Variants in ZFHX3 observed in about 807,000 individuals in gnomAD.
The protein encoded by ZFHX3 is zinc finger homeobox protein 3.
ZFHX3 carries 42 observed loss-of-function variants against 279.1 expected under a neutral mutation model. The ratio of observed to expected loss-of-function variants is 0.15; its 90% CI spans 0.12 to 0.19. ZFHX3 has a LOEUF of 0.19. Among genes scored for constraint, ZFHX3 ranks in the 10% least tolerant of loss-of-function variants. The pLI is 1.00. For missense variants in ZFHX3, 4,981 were observed against 4,754.0 expected, an observed-to-expected ratio of 1.05 and a Z score of -1.40; for synonymous variants, 2,293 against 1,957.8, an observed-to-expected ratio of 1.17 and a Z score of -4.52.
chr16:72,908,645 C>T, intron 3 of ZFHX3, among the ~76,000 whole-genome samples: 1 of 152,142 alleles, frequency 6.6e-6, no homozygotes. Flanking sequence ...CAGCTGCATC[C>T]CCAATGCCAA....
At chr16:73,654,805 A>AC (rs1222053212) in intron 2 of ZFHX3, among the ~76,000 whole-genome samples, 9 of 148,838 alleles carry the variant, frequency 6.0e-5, no homozygotes, top group South Asian at 2.1e-4. Flanking sequence ...AATTAAAATA[A>AC]TTTTTTAAAA....
Position 73,858,938 on chromosome 16 carries a change from TA to T in ZFHX3, c.-1608+32712del, listed in dbSNP as rs563422539. ...CGCACCATCTTCCATCCCTCCTTTT[TA>T]GCTGTCATCTATTTGTCCTTACATG... On this transcript the variant is annotated intron_variant, in intron 1 of 17. Coordinates refer to the ZFHX3 transcript ENST00000641206. 3.0e-4 allele frequency among the ~76,000 whole-genome samples: 46 copies of T among 152,354 alleles called. 1 individual carries two copies. The South Asian group carries it at 6.0e-3, about 20-fold the overall frequency.
intron 3 of ZFHX3, among the ~76,000 whole-genome samples, chr16:72,919,777 C>CTTTTT (rs532405250): frequency 0.033 from 1,401 of 42,288 alleles, 478 homozygotes; most frequent in Middle Eastern, 0.21. Flanking sequence ...TATGCACCAT[C>CTTTTT]TTTTTTTTTT....
In ZFHX3 at chr16:72,997,829, T is replaced by C. The variant is rs74391880; in HGVS notation, c.-49-37635A>G. Among the ~76,000 whole-genome samples the C allele has an allele frequency of 7.2e-4, 110 of 152,254 alleles. 2 individuals are homozygous for C. In the East Asian group the frequency reaches 0.021, roughly 29 times the overall value. ...GTGCAGTGGCTCACAGCTGCAATCC[T>C]GACACTTTGGGAGGCCGAGGCGGCA... On this transcript the variant is annotated intron_variant, in intron 1 of 9. Coordinates refer to ENST00000268489, the MANE Select transcript of ZFHX3 (RefSeq NM_006885.4).
At chr16:73,310,198 C>T (rs912722848) in intron 4 of ZFHX3, among the ~76,000 whole-genome samples, 2 of 152,118 alleles carry the variant, frequency 1.3e-5, no homozygotes, top group African/African-American at 4.8e-5. Flanking sequence ...TGAGCCACTG[C>T]ACCCGGTCTG....
chr16:73,478,294 T>G, intron 2 of ZFHX3, among the ~76,000 whole-genome samples: 1 of 145,740 alleles, frequency 6.9e-6, no homozygotes, highest in South Asian at 2.2e-4. Context: ...AAGTCAGAAT[T>G]AGGTACTAAA....
chr16:72,875,554 A>T (rs1296416382), intron 4 of ZFHX3, among the ~76,000 whole-genome samples: 2 of 152,222 alleles, frequency 1.3e-5, no homozygotes, highest in African/African-American at 4.8e-5. Flanking sequence ...AGGGAACTGG[A>T]GTTGCAGCTT....
At chr16:73,776,369 C>G (rs546242128) in intron 1 of ZFHX3, among the ~76,000 whole-genome samples, 1 of 152,090 alleles carries the variant, frequency 6.6e-6, no homozygotes, top group Admixed American at 6.6e-5. Context: ...GACGACATGC[C>G]CCAGTTCTAT....
At chr16:72,955,596 T>C (rs1265335109) in intron 2 of ZFHX3, among the ~76,000 whole-genome samples, 4 of 151,992 alleles carry the variant, frequency 2.6e-5, no homozygotes, top group Non-Finnish European at 4.4e-5. Flanking sequence ...CTGGCCAAGA[T>C]GGTGAAGCCC....
chr16:73,356,959 C>A (rs1041479210), intron 3 of ZFHX3, among the ~76,000 whole-genome samples: 1 of 151,704 alleles, frequency 6.6e-6, no homozygotes, highest in South Asian at 2.1e-4. Flanking sequence ...CCTCCTCCCT[C>A]GGGTGGACAA....
intron 8 of ZFHX3, among the ~76,000 whole-genome samples, chr16:73,076,893 GCACACA>G (rs57770164): frequency 6.7e-6 from 1 of 149,864 alleles, no homozygotes; most frequent in Non-Finnish European, 1.5e-5. Context: ...ATATGTATAC[GCACACA>G]CACACACACA....
chr16:73,592,550 G>C (rs2052010202), intron 2 of ZFHX3, among the ~76,000 whole-genome samples: 2 of 152,112 alleles, frequency 1.3e-5, no homozygotes, highest in South Asian at 4.1e-4. Flanking sequence ...AAATATTTAT[G>C]AAGCAAATGG....
At chr16:73,105,394 C>CATAT (rs35716634) in intron 7 of ZFHX3, among the ~76,000 whole-genome samples, 1 of 124,114 alleles carries the variant, frequency 8.1e-6, no homozygotes, top group Admixed American at 8.2e-5. Flanking sequence ...CACACACACA[C>CATAT]ATATATATAT....
At chr16:73,568,893 G>C (rs2020488894) in intron 2 of ZFHX3, among the ~76,000 whole-genome samples, 1 of 152,104 alleles carries the variant, frequency 6.6e-6, no homozygotes, top group Admixed American at 6.5e-5. Context: ...GACAGCCGTG[G>C]GTGAGCTGCC....
At chr16:73,601,222 G>T (rs1266892238) in intron 2 of ZFHX3, among the ~76,000 whole-genome samples, 1 of 151,244 alleles carries the variant, frequency 6.6e-6, no homozygotes, top group African/African-American at 2.4e-5. Flanking sequence ...GGAGGCTGAA[G>T]CGGGTGGATC....
intron 2 of ZFHX3, among the ~76,000 whole-genome samples, chr16:73,529,440 G>A (rs1441136609): frequency 1.3e-5 from 2 of 152,172 alleles, no homozygotes; most frequent in African/African-American, 4.8e-5. Flanking sequence ...GCCTCCCAAA[G>A]AGAGAAACTT....
chr16:73,191,764 G>A (rs1968041559), intron 5 of ZFHX3, among the ~76,000 whole-genome samples: 1 of 151,834 alleles, frequency 6.6e-6, no homozygotes, highest in African/African-American at 2.4e-5. Flanking sequence ...AATTCCCTGT[G>A]GTCTGGGGTC....
At chr16:73,050,038 G>T (rs773980156), upstream of ZFHX3, among the ~76,000 whole-genome samples, 21 of 152,314 alleles carry the variant, frequency 1.4e-4, no homozygotes, top group East Asian at 5.8e-4. Flanking sequence ...GATAGGTAAG[G>T]CCTGCTGGAT....
At chr16:72,874,992 G>C (rs1447535972) in intron 4 of ZFHX3, among the ~76,000 whole-genome samples, 1 of 152,228 alleles carries the variant, frequency 6.6e-6, no homozygotes, top group Non-Finnish European at 1.5e-5. Context: ...TCCTGGACAG[G>C]AGAGGTGTCA....
Sources: allele counts gnomAD v4.1 joint callset (sites outside exome capture counted in the v4.1 genomes callset), GRCh38; gene constraint gnomAD v4.1.1; transcripts MANE v1.5; gene names NCBI Gene and HGNC (gene_info 2026-07-23, HGNC 2026-07-21).